Variants in ACVR1C observed in about 807,000 individuals in gnomAD.
ACVR1C encodes activin A receptor type 1C.
In ACVR1C, 23 loss-of-function variants were observed where a neutral mutation model predicts 57.9. The observed-to-expected ratio is 0.40, with a 90% confidence interval of 0.29 to 0.56. The LOEUF is 0.56. Ranked by LOEUF, ACVR1C falls within the 20% of genes least tolerant of loss-of-function variation. ACVR1C has a pLI of 0.50. For synonymous variants in ACVR1C, 214 were observed against 215.3 expected, an observed-to-expected ratio of 0.99 and a Z score of 0.05; for missense variants, 480 against 607.9, an observed-to-expected ratio of 0.79 and a Z score of 2.21.
chr2:157,621,559 T>C (rs888079962), intron 1 of ACVR1C, among the ~76,000 whole-genome samples: 13 of 152,150 alleles, frequency 8.5e-5, no homozygotes, highest in African/African-American at 2.7e-4. Context: ...AAGGGGCTCA[T>C]GGTCATGGCT....
chr2:157,585,580 A>C (rs191622736), intron 2 of ACVR1C, among the ~76,000 whole-genome samples: 117 of 152,268 alleles, frequency 7.7e-4, no homozygotes, highest in African/African-American at 2.5e-3. Context: ...ATCATTCACT[A>C]TTGGGAAGAT....
intron 1 of ACVR1C, among the ~76,000 whole-genome samples, chr2:157,606,273 G>T (rs1414643162): frequency 6.6e-6 from 1 of 151,704 alleles, no homozygotes; most frequent in East Asian, 1.9e-4. Context: ...GTGAGTGCAG[G>T]TATCCCTTTG....
In ACVR1C at chr2:157,550,203, C is replaced by G; in HGVS notation, c.734G>C (p.Arg245Pro). 1 of 1,613,950 alleles carries G rather than the reference C, an allele frequency of 6.2e-7. No homozygotes were observed. Among genetic ancestry groups the G allele is most frequent in the Non-Finnish European group, 8.5e-7 (1 of 1,180,008 alleles). ...AATGAAACCAAGGATGTTTTCATGT[C>G]GCAGCATGACCGTCTGGTAAATTTC... ...EAEIYQTVMLRHENILGFIAA... is the reference protein window; with the variant it reads ...EAEIYQTVMLPHENILGFIAA... Residue 245 changes from arginine (R) to proline (P), a missense_variant, in exon 4 of 9, where the codon CGA (arginine) becomes CCA (proline). Physicochemically the swap from Arg to Pro is moderately radical, Grantham distance 103. Coordinates refer to ENST00000243349, the MANE Select transcript of ACVR1C (RefSeq NM_145259.3).
At chr2:157,582,614 T>C (rs1688817149) in intron 2 of ACVR1C, among the ~76,000 whole-genome samples, 1 of 152,142 alleles carries the variant, frequency 6.6e-6, no homozygotes, top group African/African-American at 2.4e-5. Flanking sequence ...GTTAACATCA[T>C]ACTTAAGGGT....
At chr2:157,548,621 G>A (rs533097371) in intron 4 of ACVR1C, among the ~76,000 whole-genome samples, 11 of 151,216 alleles carry the variant, frequency 7.3e-5, no homozygotes, top group East Asian at 1.9e-4. Context: ...CAGAAATAAC[G>A]CCACATATCT....
At chr2:157,549,257 T>C (rs1687850173) in intron 4 of ACVR1C, among the ~76,000 whole-genome samples, 1 of 152,088 alleles carries the variant, frequency 6.6e-6, no homozygotes, top group Non-Finnish European at 1.5e-5. Flanking sequence ...TGGGATTACT[T>C]GGGAGGCTGA....
Position 157,527,697 on chromosome 2 carries a change from A to T in ACVR1C, c.*6221T>A, listed in dbSNP as rs1253455521. 6.6e-6 allele frequency: 1 copy of T among 152,104 alleles called. No homozygotes were observed. The highest frequency in any genetic ancestry group is 1.5e-5 in the Non-Finnish European group (1 of 68,008). 9.4% of individuals were successfully genotyped at this position (152,104 alleles called of 1,614,324 possible). ...TAGAATTTAATATTTTGGCTCAGAT[A>T]CTCTCATTTTGTATAAAGAGAAAAA... On this transcript the variant is annotated 3_prime_UTR_variant, in exon 9 of 9. Coordinates refer to ENST00000243349, the MANE Select transcript of ACVR1C (RefSeq NM_145259.3).
chr2:157,546,850 G>A (rs935926698), intron 4 of ACVR1C, among the ~76,000 whole-genome samples: 1 of 151,472 alleles, frequency 6.6e-6, no homozygotes, highest in Admixed American at 6.6e-5. Flanking sequence ...AAGTTTTAGG[G>A]TACATGTGCA....
rs377362010 is a variant in ACVR1C at position 157,542,836 on chromosome 2, T to C, written c.970A>G (p.Ile324Val). 3.6e-5 allele frequency: 58 copies of C among 1,614,002 alleles called. No individual in the cohort carries two copies. Among genetic ancestry groups the C allele is most frequent in the Non-Finnish European group, 4.3e-5 (51 of 1,179,972 alleles). ...QGKPAIAHRD[I>V]KSKNILVKKC... ...TTCACTAAGATATTCTTTGATTTTA[T>C]GTCTCGATGAGCAATAGCAGGTTTA... The change falls in exon 6 of 9, where the codon ATA becomes GTA. Residue 324 changes from isoleucine (I) to valine (V), a missense_variant. Physicochemically the swap from Ile to Val is conservative, Grantham distance 29. Coordinates refer to ENST00000243349, the MANE Select transcript of ACVR1C (RefSeq NM_145259.3).
rs146989625 is a variant in ACVR1C at position 157,537,046 on chromosome 2, G to T, written c.1356+1527C>A. 3.2e-3 allele frequency among the ~76,000 whole-genome samples: 487 copies of T among 152,194 alleles called. 4 individuals carry two copies. Among genetic ancestry groups the T allele is most frequent in the African/African-American group, 0.011 (466 of 41,542 alleles). Reference sequence around the variant, plus strand: ...TACTACACAGCAATGAAAATGGACAGATTATAGCTACACATATATAATGGA... The same window carrying T: ...TACTACACAGCAATGAAAATGGACATATTATAGCTACACATATATAATGGA... On this transcript the variant is annotated intron_variant, in intron 8 of 8. Transcript: ENST00000243349.
chr2:157,541,371 A>G (rs1200591249), intron 6 of ACVR1C, among the ~76,000 whole-genome samples, 157 bp from the exon 7 acceptor site: 4 of 152,212 alleles, frequency 2.6e-5, no homozygotes, highest in East Asian at 3.8e-4. Context: ...TCAACCATCA[A>G]GTGTGTTCAG....
intron 1 of ACVR1C, among the ~76,000 whole-genome samples, chr2:157,600,378 A>G (rs1309659815): frequency 6.6e-6 from 1 of 152,244 alleles, no homozygotes; most frequent in Non-Finnish European, 1.5e-5. Flanking sequence ...AAAAACATTA[A>G]GTTCCAAACT....
chr2:157,598,503 A>G (rs1022768673), intron 1 of ACVR1C, among the ~76,000 whole-genome samples: 3 of 151,802 alleles, frequency 2.0e-5, no homozygotes, highest in Non-Finnish European at 4.4e-5. Context: ...GGATAAACAT[A>G]ATTGTATTTT....
rs771164041 is a variant in ACVR1C at position 157,529,534 on chromosome 2, C to T, written c.*4384G>A. ...TATGGCAGGGAACAGTGCTGGGTGT[C>T]ACCACCAGGCTTTCATAAGAGTTCT... On this transcript the variant is annotated 3_prime_UTR_variant, in exon 9 of 9. Coordinates refer to ENST00000243349, the MANE Select transcript of ACVR1C (RefSeq NM_145259.3). The T allele has an allele frequency of 2.0e-5, 3 of 152,036 alleles. No homozygotes were observed. The highest frequency in any genetic ancestry group is 4.4e-5 in the Non-Finnish European group (3 of 67,970). 9.4% of individuals were successfully genotyped at this position (152,036 alleles called of 1,614,324 possible).
intron 2 of ACVR1C, among the ~76,000 whole-genome samples, chr2:157,572,425 T>C (rs1053638256): frequency 4.6e-5 from 7 of 151,114 alleles, no homozygotes; most frequent in Non-Finnish European, 8.9e-5. Context: ...CCACAGCTAG[T>C]ATATTCACAC....
intron 7 of ACVR1C, 80 bp downstream of exon 7, chr2:157,541,009 AG>A: frequency 6.8e-7 from 1 of 1,480,228 alleles, no homozygotes; most frequent in South Asian, 1.3e-5. Flanking sequence ...TATAGTGCTT[AG>A]GGGAAAAAGA....
chr2:157,598,078 A>G (rs1244106842), intron 1 of ACVR1C, among the ~76,000 whole-genome samples: 2 of 152,194 alleles, frequency 1.3e-5, no homozygotes, highest in East Asian at 1.9e-4. Context: ...CTCACATAAA[A>G]TCATACCTGA....
intron 2 of ACVR1C, among the ~76,000 whole-genome samples, chr2:157,580,088 C>G (rs2105249720): frequency 6.6e-6 from 1 of 152,124 alleles, no homozygotes; most frequent in East Asian, 1.9e-4. Flanking sequence ...CACACAAACA[C>G]ACACGCGCGC....
chr2:157,553,694 T>A (rs541926111), intron 3 of ACVR1C, among the ~76,000 whole-genome samples: 2 of 152,242 alleles, frequency 1.3e-5, no homozygotes, highest in South Asian at 4.1e-4. Flanking sequence ...GTTTTGGGGA[T>A]GGGGATTAAG....
Sources: allele counts gnomAD v4.1 joint callset (sites outside exome capture counted in the v4.1 genomes callset), GRCh38; gene constraint gnomAD v4.1.1; transcripts MANE v1.5; gene names NCBI Gene and HGNC (gene_info 2026-07-23, HGNC 2026-07-21).